Variants in TSC22D1 observed in about 807,000 individuals in gnomAD.
TSC22D1 encodes the protein TSC22 domain family member 1.
A neutral mutation model predicts 74.2 loss-of-function variants in TSC22D1; 9 were observed. The observed-to-expected ratio is 0.12, with a 90% confidence interval of 0.07 to 0.21. The LOEUF (loss-of-function observed/expected upper bound fraction) is 0.21. Among genes scored for constraint, TSC22D1 ranks in the 10% least tolerant of loss-of-function variants. The pLI is 1.00. For missense variants in TSC22D1, 1,427 were observed against 1,304.7 expected (o/e 1.09, Z -1.44); for synonymous variants, 586 against 492.5 (o/e 1.19, Z -2.51).
chr13:44,456,123 C>A (rs190958471), intron 1 of TSC22D1, among the ~76,000 whole-genome samples: 118 of 152,270 alleles, frequency 7.7e-4, no homozygotes, highest in African/African-American at 2.7e-3. Flanking sequence ...AAGAATAAAG[C>A]CGTGGACCCT....
chr13:44,436,801 C>T, intron 1 of TSC22D1: 1 of 1,409,976 alleles, frequency 7.1e-7, no homozygotes, highest in Middle Eastern at 2.2e-4. Context: ...GATGCGGATC[C>T]CAGTGCCGTG....
At chr13:44,523,123 A>G (rs1198776345) in intron 1 of TSC22D1, among the ~76,000 whole-genome samples, 2 of 152,170 alleles carry the variant, frequency 1.3e-5, no homozygotes. Context: ...CACCCCTATT[A>G]GACAGGCTAC....
intron 1 of TSC22D1, among the ~76,000 whole-genome samples, chr13:44,569,103 G>A (rs1883574081): frequency 6.6e-6 from 1 of 152,182 alleles, no homozygotes; most frequent in Middle Eastern, 3.2e-3. Context: ...CATAGGGCAT[G>A]TGAGTTAGAC....
At chr13:44,546,374 G>A (rs939169388) in intron 1 of TSC22D1, among the ~76,000 whole-genome samples, 1 of 152,118 alleles carries the variant, frequency 6.6e-6, no homozygotes, top group Non-Finnish European at 1.5e-5. Flanking sequence ...ATAATGGGAT[G>A]GATCACAATC....
At chr13:44,538,416 G>A in intron 1 of TSC22D1, 1 of 985,142 alleles carries the variant, frequency 1.0e-6, no homozygotes, top group Non-Finnish European at 1.2e-6. Context: ...TTCAGTGTCA[G>A]GCAACAAAAA....
rs545331875 is a variant in TSC22D1 at position 44,512,971 on chromosome 13, TG to T, written c.2912+60191del. On this transcript the variant is annotated intron_variant, in intron 1 of 2. Coordinates refer to ENST00000458659, the MANE Select transcript of TSC22D1 (RefSeq NM_183422.4). ...CCTCTTCATTCTTATCTCTAAAGCC[TG>T]TGTCCTAATTCAGGATCAGGTTAGC... is the stretch of plus-strand genomic sequence containing the variant. Among the ~76,000 whole-genome samples the T allele has an allele frequency of 5.3e-4, 80 of 152,342 alleles. 1 individual carries two copies. The South Asian group carries it at 6.8e-3, about 13-fold the overall frequency.
intron 1 of TSC22D1, among the ~76,000 whole-genome samples, chr13:44,450,074 A>G (rs1206896405): frequency 6.6e-6 from 1 of 152,232 alleles, no homozygotes; most frequent in Non-Finnish European, 1.5e-5. Context: ...AGCAGAAAGC[A>G]GCCTGGGAGT....
At chr13:44,467,931 A>C (rs1425938447) in intron 1 of TSC22D1, among the ~76,000 whole-genome samples, 1 of 152,176 alleles carries the variant, frequency 6.6e-6, no homozygotes, top group Non-Finnish European at 1.5e-5. Context: ...TAAAAAAGAC[A>C]CTAGCACTCA....
Position 44,436,078 on chromosome 13 carries a change from A to G in TSC22D1, c.2930T>C (p.Val977Ala). 1 of 1,613,508 alleles carries G rather than the reference A, an allele frequency of 6.2e-7. No homozygotes were observed. The highest frequency in any genetic ancestry group is 8.5e-7 in the Non-Finnish European group (1 of 1,179,814). Reference protein sequence around the residue: ...GEDESSSGASVVAIDNKIEQA... With the variant: ...GEDESSSGASAVAIDNKIEQA... ...CTCGATTTTGTTGTCAATAGCTACC[A>G]CACTTGCACCAGAGGAGCTGAAAAA... The change falls in exon 2 of 3, where the codon GTG (valine) becomes GCG (alanine). Residue 977 changes from valine (V) to alanine (A), a missense_variant. By Grantham distance (64) the Val-to-Ala change is moderately conservative. Coordinates refer to ENST00000458659, the MANE Select transcript of TSC22D1 (RefSeq NM_183422.4).
intron 1 of TSC22D1, among the ~76,000 whole-genome samples, chr13:44,571,925 C>T (rs1263202751): frequency 6.6e-6 from 1 of 152,114 alleles, no homozygotes; most frequent in Non-Finnish European, 1.5e-5. Context: ...CTCACTGAAA[C>T]ATTTGACCTG....
rs1239214136 is a variant in TSC22D1 at position 44,575,567 on chromosome 13, G to A, written c.508C>T (p.Arg170Cys). 1.9e-6 allele frequency: 3 copies of A among 1,613,950 alleles called. No homozygotes were observed. The highest frequency in any genetic ancestry group is 4.5e-5 in the East Asian group (2 of 44,888). Residue 170 changes from arginine to cysteine, a missense_variant, in exon 1 of 3, where the codon CGC becomes TGC. Transcript: ENST00000458659. ...SRATDLGEPERSSSEETLNNF... is the reference protein window; with the variant it reads ...SRATDLGEPECSSSEETLNNF... ...TTTAGGGTCTCTTCTGAGGAGCTGC[G>A]TTCGGGCTCCCCTAAGTCAGTAGCC...
chr13:44,476,697 G>A (rs546470139), intron 1 of TSC22D1, among the ~76,000 whole-genome samples: 5 of 152,168 alleles, frequency 3.3e-5, no homozygotes, highest in Admixed American at 2.6e-4. Flanking sequence ...TTCTTTTAGA[G>A]ACAGGGTCTT....
chr13:44,530,968 C>T (rs1205024661), intron 1 of TSC22D1, among the ~76,000 whole-genome samples: 1 of 152,096 alleles, frequency 6.6e-6, no homozygotes, highest in African/African-American at 2.4e-5. Flanking sequence ...ACTGACTTAC[C>T]ATATGATCCA....
chr13:44,573,456 A>C lies in TSC22D1; in HGVS notation c.2619T>G (p.Ser873Arg), dbSNP rs1883923419. The C allele has an allele frequency of 6.2e-7, 1 of 1,614,252 alleles. No individual in the cohort carries two copies. Among genetic ancestry groups the C allele is most frequent in the Non-Finnish European group, 8.5e-7 (1 of 1,180,052 alleles). Residue 873 changes from serine to arginine, a missense_variant, in exon 1 of 3, where the codon AGT becomes AGG. Ser to Arg is a moderately radical substitution (Grantham distance 110). Around this residue, in one of 3 missense-constraint regions of TSC22D1, gnomAD observed 1,343 missense variants for 1,191.5 expected, o/e 1.13. Transcript: ENST00000458659. Reference protein sequence around the residue: ...TQNGNLVQSVSQPPLIATNTN... With the variant: ...TQNGNLVQSVRQPPLIATNTN... ...TATTAGTTGCTATCAAGGGAGGTTG[A>C]CTAACACTTTGAACCAAATTACCAT...
intron 1 of TSC22D1, among the ~76,000 whole-genome samples, chr13:44,438,600 T>G (rs1874927196): frequency 6.6e-6 from 1 of 152,202 alleles, no homozygotes; most frequent in African/African-American, 2.4e-5. Context: ...AAGGTTCATA[T>G]TCTCCAAATT....
chr13:44,542,491 AT>A (rs1360538697), intron 1 of TSC22D1, among the ~76,000 whole-genome samples: 2 of 152,116 alleles, frequency 1.3e-5, no homozygotes, highest in Admixed American at 6.5e-5. Flanking sequence ...AAAAAACCAA[AT>A]GTCCGAAGGT....
intron 1 of TSC22D1, chr13:44,452,902 A>C (rs1213441601): frequency 1.3e-5 from 2 of 152,348 alleles, no homozygotes; most frequent in East Asian, 3.8e-4. Context: ...CCATCTTTTT[A>C]CAAGATGAGA....
At chr13:44,453,888 G>A (rs994885315) in intron 1 of TSC22D1, among the ~76,000 whole-genome samples, 3 of 152,094 alleles carry the variant, frequency 2.0e-5, no homozygotes, top group Non-Finnish European at 4.4e-5. Flanking sequence ...ATTTTGCATT[G>A]GTTTGAAGGT....
chr13:44,538,584 G>A, intron 1 of TSC22D1: 1 of 985,336 alleles, frequency 1.0e-6, no homozygotes, highest in Non-Finnish European at 1.2e-6. Context: ...CTCTATTTCA[G>A]TCTTCTGAAT....
Sources: gnomAD v4.1 joint callset for allele counts (sites outside exome capture counted in the v4.1 genomes callset) on GRCh38, gnomAD v4.1.1 for gene constraint, gnomAD v4.1.1 regional missense constraint, MANE v1.5 for transcripts, NCBI Gene and HGNC (gene_info 2026-07-23, HGNC 2026-07-21) for gene names.